SH3D19: variants seen among roughly 807,000 people sequenced by gnomAD.
SH3D19 encodes the protein SH3 domain-containing protein 19.
In SH3D19, 58 loss-of-function variants were observed where a neutral mutation model predicts 112.1. The observed-to-expected ratio is 0.52, with a 90% CI of 0.42 to 0.64. SH3D19 has a LOEUF of 0.64. Ranked by LOEUF, SH3D19 falls within the 30% of genes least tolerant of loss-of-function variation. The pLI is 0.00. For synonymous variants in SH3D19, 391 were observed against 448.5 expected, an observed-to-expected ratio of 0.87 and a Z score of 1.62; for missense variants, 1,090 against 1,263.4, an observed-to-expected ratio of 0.86 and a Z score of 2.08.
At position 151,135,149 on chromosome 4, in the gene SH3D19, C is replaced by T. The variant is rs1205363162; in HGVS notation, c.2428-17G>A. Reference sequence around the variant, plus strand: ...GATATCAATCTAGCAAAGATAAAATCAAGGCAACAATTATATTTTTTTCAG... The same window carrying T: ...GATATCAATCTAGCAAAGATAAAATTAAGGCAACAATTATATTTTTTTCAG... On this transcript the variant is annotated splice_polypyrimidine_tract_variant and intron_variant, in intron 14 of 19. Coordinates refer to ENST00000604030, the MANE Select transcript of SH3D19 (RefSeq NM_001378122.1). 1 of 1,569,438 alleles carries T rather than the reference C, an allele frequency of 6.4e-7. No individual in the cohort carries two copies. Among genetic ancestry groups the T allele is most frequent in the Non-Finnish European group, 8.6e-7 (1 of 1,157,402 alleles).
At chr4:151,222,162 ATATATCC>A (rs1268319468) in intron 2 of SH3D19, among the ~76,000 whole-genome samples, 1 of 152,190 alleles carries the variant, frequency 6.6e-6, no homozygotes, top group Non-Finnish European at 1.5e-5. Flanking sequence ...TTGTGCAGAA[ATATATCC>A]CCCTCCAAGT....
chr4:151,230,350 TAAG>T (rs1380790778), intron 1 of SH3D19, among the ~76,000 whole-genome samples: 2 of 152,196 alleles, frequency 1.3e-5, no homozygotes, highest in Non-Finnish European at 2.9e-5. Flanking sequence ...TGATTAAAAC[TAAG>T]AAGAATAGCC....
At chr4:151,296,034 C>CAAAAA (rs35741045) in intron 1 of SH3D19, among the ~76,000 whole-genome samples, 1 of 124,996 alleles carries the variant, frequency 8.0e-6, no homozygotes, top group Admixed American at 8.0e-5. Context: ...GGCTCCGTCT[C>CAAAAA]AAAAAAAAAA....
rs1185217497 is a variant in SH3D19 at position 151,280,097 on chromosome 4, C to T, written c.112+45144G>A. The stretch of plus-strand genomic sequence containing the variant: ...ACCCAGGTCATGTCAGACTATCAAA[C>T]CCGAAACAACTAGAGACAGGGCATA... On this transcript the variant is annotated intron_variant, in intron 1 of 19. Transcript: ENST00000604030. 4.0e-6 allele frequency: 4 copies of T among 998,864 alleles called. No homozygotes were observed. The East Asian group carries it at 7.2e-5, about 18-fold the overall frequency. 61.9% of individuals were successfully genotyped at this position (998,864 alleles called of 1,614,324 possible).
chr4:151,153,616 A>G (rs79390035), intron 9 of SH3D19, among the ~76,000 whole-genome samples: 8,605 of 152,174 alleles, frequency 0.057, 736 homozygotes, highest in African/African-American at 0.19. Context: ...TTAAAAAAAA[A>G]GGGATTTCTT....
chr4:151,230,871 C>T (rs1356240243), intron 1 of SH3D19, among the ~76,000 whole-genome samples: 4 of 151,954 alleles, frequency 2.6e-5, no homozygotes, highest in East Asian at 1.9e-4. Context: ...GAGCCACCAT[C>T]CCCGGCCAAA....
At chr4:151,124,935 G>C (rs535036282) in intron 19 of SH3D19, among the ~76,000 whole-genome samples, 1 of 152,234 alleles carries the variant, frequency 6.6e-6, no homozygotes, top group East Asian at 1.9e-4. Flanking sequence ...TAGTTTAAAT[G>C]AAGACCAAAA....
chr4:151,162,977 T>C (rs1210521042), intron 8 of SH3D19, among the ~76,000 whole-genome samples: 1 of 152,264 alleles, frequency 6.6e-6, no homozygotes, highest in Non-Finnish European at 1.5e-5. Flanking sequence ...GCTGAACATC[T>C]GCTTTCCTTC....
At chr4:151,229,109 C>T (rs922532650) in intron 1 of SH3D19, among the ~76,000 whole-genome samples, 7 of 150,176 alleles carry the variant, frequency 4.7e-5, no homozygotes, top group South Asian at 2.1e-4. Flanking sequence ...GGGACTCAAG[C>T]GATCCTCCTG....
intron 1 of SH3D19, among the ~76,000 whole-genome samples, chr4:151,231,153 A>G (rs1389460794): frequency 6.6e-6 from 1 of 152,186 alleles, no homozygotes; most frequent in Admixed American, 6.5e-5. Context: ...TAAATAAAAC[A>G]ATGAACTCAT....
chr4:151,233,159 C>T (rs557438066), intron 1 of SH3D19, among the ~76,000 whole-genome samples: 2 of 151,970 alleles, frequency 1.3e-5, no homozygotes, highest in East Asian at 1.9e-4. Flanking sequence ...CTCCCATCAC[C>T]CCCAGATGGG....
chr4:151,134,067 G>A (rs1483009099), intron 15 of SH3D19, among the ~76,000 whole-genome samples: 2 of 152,150 alleles, frequency 1.3e-5, no homozygotes, highest in Non-Finnish European at 2.9e-5. Flanking sequence ...AGATCAATGG[G>A]TCAATGACTG....
At chr4:151,280,575 A>G (rs1774117261) in intron 1 of SH3D19, among the ~76,000 whole-genome samples, 1 of 152,214 alleles carries the variant, frequency 6.6e-6, no homozygotes, top group Admixed American at 6.5e-5. Context: ...AACAATTGAT[A>G]ACTAATACAC....
intron 1 of SH3D19, among the ~76,000 whole-genome samples, chr4:151,323,320 T>G (rs1730735961): frequency 6.6e-6 from 1 of 152,112 alleles, no homozygotes; most frequent in Non-Finnish European, 1.5e-5. Context: ...AGTGAAAAAC[T>G]GAAAAGGTGA....
At chr4:151,130,048 G>T (rs899639577) in intron 17 of SH3D19, among the ~76,000 whole-genome samples, 3 of 152,078 alleles carry the variant, frequency 2.0e-5, no homozygotes, top group African/African-American at 7.2e-5. Flanking sequence ...TTTATCAGTG[G>T]GTAGGGATAA....
At chr4:151,179,418 TG>T in intron 3 of SH3D19, 21 bp from the exon 4 acceptor site, 1 of 1,223,412 alleles carries the variant, frequency 8.2e-7, no homozygotes, top group Non-Finnish European at 1.0e-6. Context: ...AGGAATAAAC[TG>T]GTATAGTACA....
chr4:151,205,881 T>C (rs759518141), intron 2 of SH3D19, among the ~76,000 whole-genome samples: 17 of 152,236 alleles, frequency 1.1e-4, no homozygotes, highest in Non-Finnish European at 2.1e-4. Flanking sequence ...AAAGGACTCA[T>C]AGCTGGTAAA....
chr4:151,127,727 T>G lies in SH3D19; in HGVS notation c.2930-12A>C, dbSNP rs773473003. The G allele has an allele frequency of 6.6e-7, 1 of 1,515,190 alleles. No individual in the cohort carries two copies. The highest frequency in any genetic ancestry group is 2.2e-5 in the Admixed American group (1 of 44,712). The allele number at this position is 1,515,190 out of a possible 1,614,324, so 93.9% of individuals were successfully genotyped here. ...ACTTTTTGCCTCAGCTGTGAAGACATAAAAAATTTAAATATATAGAAACAC... is the reference window on the plus strand; with the variant it reads ...ACTTTTTGCCTCAGCTGTGAAGACAGAAAAAATTTAAATATATAGAAACAC... On this transcript the variant is annotated splice_polypyrimidine_tract_variant and intron_variant, in intron 18 of 19. Coordinates refer to ENST00000604030, the MANE Select transcript of SH3D19 (RefSeq NM_001378122.1).
rs749017660 is a variant in SH3D19, at chr4:151,122,207, C to T, written c.3028G>A (p.Ala1010Thr). 2.6e-6 allele frequency: 4 copies of T among 1,542,202 alleles called. No individual in the cohort carries two copies. In the South Asian group the frequency reaches 3.4e-5, roughly 13 times the overall value. The change falls in exon 20 of 20, where the codon GCT (alanine) becomes ACT (threonine). Residue 1010 changes from alanine (A) to threonine (T), a missense_variant and splice_region_variant. By Grantham distance (58) the Ala-to-Thr change is moderately conservative. Coordinates refer to ENST00000604030, the MANE Select transcript of SH3D19 (RefSeq NM_001378122.1). The part of the protein sequence containing the change: ...GENEDELSFK[A>T]GDIITELESV... Reference sequence around the variant, plus strand: ...TCCAGCTCTGTTATTATATCTCCAGCCTGTAAGACAAAAGGAGTTAGAATT... The same window carrying T: ...TCCAGCTCTGTTATTATATCTCCAGTCTGTAAGACAAAAGGAGTTAGAATT...
Sources: allele counts gnomAD v4.1 joint callset (sites outside exome capture counted in the v4.1 genomes callset), GRCh38; gene constraint gnomAD v4.1.1; transcripts MANE v1.5; gene names NCBI Gene and HGNC (gene_info 2026-07-23, HGNC 2026-07-21).